Variants in WDR70 observed in about 807,000 individuals in gnomAD.
WDR70 encodes the protein WD repeat-containing protein 70.
Under a neutral mutation model 88.6 loss-of-function variants are expected in WDR70, and 53 were observed. That is an observed-to-expected ratio of 0.60 (90% confidence interval 0.48 to 0.75). The LOEUF (loss-of-function observed/expected upper bound fraction) is 0.75, where lower values mean the gene tolerates loss of function less well. WDR70 is among the 30% of genes least tolerant of loss of function. WDR70 has a pLI of 0.00. For synonymous variants in WDR70, 280 were observed against 270.0 expected, an observed-to-expected ratio of 1.04 and a Z score of -0.36; for missense variants, 610 against 823.2, an observed-to-expected ratio of 0.74 and a Z score of 3.17.
chr5:37,447,400 C>G (rs752545858), intron 7 of WDR70, among the ~76,000 whole-genome samples: 6 of 152,052 alleles, frequency 3.9e-5, no homozygotes, highest in Admixed American at 6.6e-5. Flanking sequence ...GGGCCTAGAA[C>G]TAGAAATACC....
intron 9 of WDR70, among the ~76,000 whole-genome samples, chr5:37,544,373 C>T (rs1741924393): frequency 6.6e-6 from 1 of 152,120 alleles, no homozygotes; most frequent in Non-Finnish European, 1.5e-5. Context: ...TATCCTCTCT[C>T]CCCACAGTCA....
chr5:37,634,230 C>T (rs916765845), intron 10 of WDR70, among the ~76,000 whole-genome samples: 9 of 145,172 alleles, frequency 6.2e-5, no homozygotes, highest in African/African-American at 2.0e-4. Context: ...ACCCAGGTGG[C>T]GGAGCTTGTA....
intron 9 of WDR70, among the ~76,000 whole-genome samples, chr5:37,557,957 A>ACTCTTTTGAAAACTCGTCAAAAGAGTAC: frequency 7.2e-6 from 1 of 139,252 alleles, no homozygotes; most frequent in Non-Finnish European, 1.6e-5. Flanking sequence ...TCAAAAGAGT[A>ACTCTTTTGAAAACTCGTCAAAAGAGTAC]TTATGTATAT....
chr5:37,449,618 T>TAA (rs1215961302), intron 7 of WDR70, among the ~76,000 whole-genome samples: 1 of 105,828 alleles, frequency 9.4e-6, no homozygotes, highest in African/African-American at 3.2e-5. Context: ...AAATAAAAAA[T>TAA]AAATAAATAA....
At chr5:37,441,668 A>G (rs1304241944) in intron 6 of WDR70, among the ~76,000 whole-genome samples, 3 of 152,080 alleles carry the variant, frequency 2.0e-5, no homozygotes, top group African/African-American at 7.2e-5. Context: ...AAATACAAAA[A>G]TAAGCTGGGC....
chr5:37,669,749 A>G (rs1041398285), intron 10 of WDR70, among the ~76,000 whole-genome samples: 2 of 152,190 alleles, frequency 1.3e-5, no homozygotes, highest in Non-Finnish European at 2.9e-5. Context: ...TGTGAAGGAG[A>G]GAGGAAAGAA....
chr5:37,552,767 G>A (rs762780346), intron 9 of WDR70, among the ~76,000 whole-genome samples: 31 of 152,170 alleles, frequency 2.0e-4, no homozygotes, highest in Non-Finnish European at 4.1e-4. Context: ...TTTGGCACCA[G>A]CCTTGAGCTG....
intron 9 of WDR70, among the ~76,000 whole-genome samples, chr5:37,594,944 C>G (rs577725363): frequency 6.6e-6 from 1 of 152,084 alleles, no homozygotes; most frequent in Non-Finnish European, 1.5e-5. Context: ...CTATGTTTGT[C>G]TTTTATTTGT....
intron 9 of WDR70, among the ~76,000 whole-genome samples, chr5:37,524,721 T>C (rs1741206541): frequency 6.6e-6 from 1 of 152,208 alleles, no homozygotes; most frequent in East Asian, 1.9e-4. Flanking sequence ...ATCAGTGTGC[T>C]GTATTCAGGA....
intron 9 of WDR70, among the ~76,000 whole-genome samples, chr5:37,518,458 T>C (rs1177977303): frequency 6.6e-6 from 1 of 152,178 alleles, no homozygotes; most frequent in Non-Finnish European, 1.5e-5. Flanking sequence ...CATGCAATGG[T>C]TGTCTGCGTG....
chr5:37,541,792 A>G (rs1216587649), intron 9 of WDR70, among the ~76,000 whole-genome samples: 1 of 152,218 alleles, frequency 6.6e-6, no homozygotes. Flanking sequence ...TTTGAGGGTT[A>G]GAATTCCCAA....
intron 10 of WDR70, among the ~76,000 whole-genome samples, chr5:37,673,443 G>A (rs1746089251): frequency 6.6e-6 from 1 of 152,088 alleles, no homozygotes; most frequent in Admixed American, 6.5e-5. Context: ...GGGTCAAATG[G>A]TGGTTCTGTT....
intron 7 of WDR70, among the ~76,000 whole-genome samples, chr5:37,455,829 C>T (rs1008015536): frequency 6.6e-6 from 1 of 151,998 alleles, no homozygotes; most frequent in African/African-American, 2.4e-5. Context: ...TAGTCATACA[C>T]TATGATTATC....
intron 5 of WDR70, among the ~76,000 whole-genome samples, chr5:37,404,379 G>A (rs1369510199): frequency 6.6e-6 from 1 of 152,008 alleles, no homozygotes; most frequent in African/African-American, 2.4e-5. Context: ...TGAAATTATT[G>A]CTTTTTTTAT....
At chr5:37,680,712 A>C (rs111677348) in intron 10 of WDR70, among the ~76,000 whole-genome samples, 5,994 of 152,032 alleles carry the variant, frequency 0.039, 133 homozygotes, top group Middle Eastern at 0.12. Flanking sequence ...TGGTTGTAGG[A>C]GTGTGGCCTT....
In WDR70 at chr5:37,752,629, G is replaced by GTT. The variant is rs947659723; in HGVS notation, c.*65_*66dup. 7.8e-5 allele frequency: 88 copies of GTT among 1,131,314 alleles called. No individual in the cohort carries two copies. The highest frequency in any genetic ancestry group is 8.9e-5 in the Non-Finnish European group (72 of 811,624). 70.1% of individuals were successfully genotyped at this position (1,131,314 alleles called of 1,614,324 possible). On this transcript the variant is annotated 3_prime_UTR_variant, in exon 18 of 18. Coordinates refer to ENST00000265107, the MANE Select transcript of WDR70 (RefSeq NM_018034.4). ...TGGGAGGGGTATGGGACAGGTTTGGGTTTTTTTTTTATGCTCATGAAATTA... is the reference window on the plus strand; with the variant it reads ...TGGGAGGGGTATGGGACAGGTTTGGGTTTTTTTTTTTTATGCTCATGAAATTA...
chr5:37,391,689 A>G (rs1748824440), intron 3 of WDR70, among the ~76,000 whole-genome samples: 2 of 152,196 alleles, frequency 1.3e-5, no homozygotes, highest in South Asian at 4.1e-4. Context: ...GGTTGCTTCT[A>G]CATTTTAGCT....
At chr5:37,709,070 C>A (rs1004892377) in intron 13 of WDR70, among the ~76,000 whole-genome samples, 1 of 152,272 alleles carries the variant, frequency 6.6e-6, no homozygotes, top group South Asian at 2.1e-4. Context: ...TAGCATTACA[C>A]AGGGAGAACT....
chr5:37,443,212 C>T (rs1738332145), intron 6 of WDR70, 27 bp from the exon 7 acceptor site: 2 of 1,567,266 alleles, frequency 1.3e-6, no homozygotes, highest in African/African-American at 1.4e-5. Context: ...TTGCTCCGGT[C>T]ATTTTATTTT....
Sources: allele counts gnomAD v4.1 joint callset (sites outside exome capture counted in the v4.1 genomes callset), GRCh38; gene constraint gnomAD v4.1.1; transcripts MANE v1.5; gene names NCBI Gene and HGNC (gene_info 2026-07-23, HGNC 2026-07-21).